TNNI3: variants seen among roughly 807,000 people sequenced by gnomAD.
TNNI3 encodes the protein troponin I, cardiac muscle.
Under a neutral mutation model 31.5 loss-of-function variants are expected in TNNI3, and 23 were observed. That is an observed-to-expected ratio of 0.73 (90% CI 0.52 to 1.03). TNNI3 has a LOEUF of 1.03. Among genes scored for constraint, TNNI3 ranks in the 50% least tolerant of loss-of-function variants. TNNI3 has a pLI of 0.00. For missense variants in TNNI3, 236 were observed against 282.9 expected, an observed-to-expected ratio of 0.83 and a Z score of 1.19; for synonymous variants, 120 against 111.7, an observed-to-expected ratio of 1.07 and a Z score of -0.47.
chr19:55,155,060 G>A (rs1182712828), intron 5 of TNNI3, among the ~76,000 whole-genome samples: 2 of 142,072 alleles, frequency 1.4e-5, no homozygotes, highest in Admixed American at 6.8e-5. Context: ...AGGGAGGAGG[G>A]GCTGAGGGCC....
Position 55,152,696 on chromosome 19 carries a change from G to A in TNNI3, c.550-779C>T, listed in dbSNP as rs2085701959. 6.6e-6 allele frequency among the ~76,000 whole-genome samples: 1 copy of A among 152,184 alleles called. No individual in the cohort carries two copies. Among genetic ancestry groups the A allele is most frequent in the Non-Finnish European group, 1.5e-5 (1 of 68,030 alleles). On this transcript the variant is annotated intron_variant, in intron 7 of 7. Coordinates refer to ENST00000344887, the MANE Select transcript of TNNI3 (RefSeq NM_000363.5). This position sits in a 1 kb window ranked among gnomAD's most constrained non-coding sequence, Gnocchi z 4.0. Reference sequence around the variant, plus strand: ...GCTGGAGTGCAGTCGTGCAATCTCGGCTCACTGCAGCCTCAACTTCCTGGG... The same window carrying A: ...GCTGGAGTGCAGTCGTGCAATCTCGACTCACTGCAGCCTCAACTTCCTGGG...
chr19:55,156,094 G>A lies in TNNI3; in HGVS notation c.282+107C>T. 1 of 1,541,194 alleles carries A rather than the reference G, an allele frequency of 6.5e-7. No homozygotes were observed. The highest frequency in any genetic ancestry group is 8.9e-7 in the Non-Finnish European group (1 of 1,118,632). On this transcript the variant is annotated intron_variant, in intron 5 of 7. Coordinates refer to ENST00000344887, the MANE Select transcript of TNNI3 (RefSeq NM_000363.5). The surrounding 1 kb of genome is among the most constrained non-coding windows in gnomAD (Gnocchi z 4.6). ...GGAGTCCCACGAACCATATATAATT[G>A]GGTAAGGACAGCCATATTGGACGCC... is the stretch of plus-strand genomic sequence containing the variant.
At chr19:55,153,301 T>G (rs919521923) in intron 7 of TNNI3, among the ~76,000 whole-genome samples, 12 of 152,172 alleles carry the variant, frequency 7.9e-5, no homozygotes, top group African/African-American at 2.9e-4. Context: ...ATCATAGGTA[T>G]GTATGTGTGT....
At chr19:55,153,460 G>A (rs1166949006) in intron 7 of TNNI3, among the ~76,000 whole-genome samples, 1 of 151,932 alleles carries the variant, frequency 6.6e-6, no homozygotes, top group Non-Finnish European at 1.5e-5. Flanking sequence ...CTGCACCCTC[G>A]ATCTCATGGG....
At position 55,157,258 on chromosome 19, in the gene TNNI3, C is replaced by T. The variant is rs1039208568; in HGVS notation, c.24+38G>A. On this transcript the variant is annotated intron_variant, in intron 2 of 7. Transcript: ENST00000344887. This position sits in a 1 kb window ranked among gnomAD's most constrained non-coding sequence, Gnocchi z 6.3. ...CCTCACTGCAGCGCCCACCCTGGCC[C>T]TGGGGGTCCCAGCCACGCCTTAGCC... The T allele has an allele frequency of 6.2e-7, 1 of 1,610,700 alleles. No homozygotes were observed. The highest frequency in any genetic ancestry group is 8.5e-7 in the Non-Finnish European group (1 of 1,179,024).
Position 55,157,011 on chromosome 19 carries a change from C to T in TNNI3, c.108+39G>A. ...CCCACTCCCAGGGTCTTGGATCCCT[C>T]CGGCGCCTGTACTCTGCCCCCAGGA... On this transcript the variant is annotated intron_variant, in intron 3 of 7. Transcript: ENST00000344887. This position sits in a 1 kb window ranked among gnomAD's most constrained non-coding sequence, Gnocchi z 6.3. 4 of 1,552,378 alleles carry T rather than the reference C, an allele frequency of 2.6e-6. No individual in the cohort carries two copies. The highest frequency in any genetic ancestry group is 3.5e-6 in the Non-Finnish European group (4 of 1,151,174).
chr19:55,156,506 CG>C lies in TNNI3; in HGVS notation c.150+96del. ...AGCCACGCCCCGAGCGGCCAAACCCCGCCCACTTCCGCCCACCTACCCCGAA... is the reference window on the plus strand; with the variant it reads ...AGCCACGCCCCGAGCGGCCAAACCCCCCCACTTCCGCCCACCTACCCCGAA... On this transcript the variant is annotated intron_variant, in intron 4 of 7. Coordinates refer to ENST00000344887, the MANE Select transcript of TNNI3 (RefSeq NM_000363.5). This position sits in a 1 kb window ranked among gnomAD's most constrained non-coding sequence, Gnocchi z 4.6. 2 of 1,523,770 alleles carry C rather than the reference CG, an allele frequency of 1.3e-6. No homozygotes were observed. Among genetic ancestry groups the C allele is most frequent in the Non-Finnish European group, 1.8e-6 (2 of 1,124,872 alleles). 94.4% of individuals were successfully genotyped at this position (1,523,770 alleles called of 1,614,324 possible).
rs3729996 is a variant in TNNI3 at position 55,156,692 on chromosome 19, A to G, written c.109-48T>C. The G allele has an allele frequency of 1.3e-3, 2,038 of 1,550,000 alleles. No homozygotes were observed. Among genetic ancestry groups the G allele is most frequent in the Non-Finnish European group, 1.7e-3 (1,910 of 1,144,214 alleles). On this transcript the variant is annotated intron_variant, in intron 3 of 7. Coordinates refer to ENST00000344887, the MANE Select transcript of TNNI3 (RefSeq NM_000363.5). The surrounding 1 kb of genome is among the most constrained non-coding windows in gnomAD (Gnocchi z 4.6). ...GGAAGGATCATGGAGGGGGATTCGG[A>G]GACGACGGTGGAGGGGACCTCAAGA...
At chr19:55,154,681 G>T in intron 6 of TNNI3, 60 bp downstream of exon 6, 2 of 1,484,684 alleles carry the variant, frequency 1.3e-6, no homozygotes, top group Non-Finnish European at 1.9e-6. Flanking sequence ...GTCAGGCAGA[G>T]ACCAAGTCCC....
chr19:55,151,963 C>A (rs556068001), intron 7 of TNNI3, 46 bp from the exon 8 acceptor site: 1 of 1,572,094 alleles, frequency 6.4e-7, no homozygotes, highest in African/African-American at 1.3e-5. Flanking sequence ...TTCTTGGTCT[C>A]CAGTCTCTCA....
rs1203808868 is a variant in TNNI3, at chr19:55,156,117, G to A, written c.282+84C>T. On this transcript the variant is annotated intron_variant, in intron 5 of 7. Coordinates refer to ENST00000344887, the MANE Select transcript of TNNI3 (RefSeq NM_000363.5). The surrounding 1 kb of genome is among the most constrained non-coding windows in gnomAD (Gnocchi z 4.6). ...TTGGGTAAGGACAGCCATATTGGAC[G>A]CCTGGGTCCCGAGCAGAAGAGGGGA... 6.2e-7 allele frequency: 1 copy of A among 1,604,096 alleles called. No individual in the cohort carries two copies. The highest frequency in any genetic ancestry group is 1.7e-5 in the Admixed American group (1 of 59,788).
At position 55,152,731 on chromosome 19, in the gene TNNI3, TC is replaced by T; in HGVS notation, c.550-815del. On this transcript the variant is annotated intron_variant, in intron 7 of 7. Transcript: ENST00000344887. This position sits in a 1 kb window ranked among gnomAD's most constrained non-coding sequence, Gnocchi z 4.0. ...GCCTCAACTTCCTGGGCTCAAGCCA[TC>T]CTCTCACCTCAGACTCCTGAGGAGC... Among the ~76,000 whole-genome samples the T allele has an allele frequency of 6.6e-6, 1 of 152,312 alleles. No homozygotes were observed. Among genetic ancestry groups the T allele is most frequent in the Admixed American group, 6.5e-5 (1 of 15,284 alleles).
rs796474405 is a variant in TNNI3, at chr19:55,151,861, C to T, written c.606G>A (p.Glu202=). 15 of 1,614,036 alleles carry T rather than the reference C, an allele frequency of 9.3e-6. No homozygotes were observed. The highest frequency in any genetic ancestry group is 1.2e-5 in the Non-Finnish European group (14 of 1,179,994). ...AGCTCTCAAACTTTTTCTTGCGGCC[C>T]TCCATTCCACTCAGTGCATCGATGT... is the stretch of plus-strand genomic sequence containing the variant. ...RKNIDALSGM[E]GRKKKFES is the part of the protein sequence containing the mutation. The change falls in exon 8 of 8, where the codon GAG becomes GAA. Residue 202 remains glutamate, a synonymous_variant. Transcript: ENST00000344887.
In TNNI3 at chr19:55,157,019, T is replaced by G. The variant is rs761023237; in HGVS notation, c.108+31A>C. 1 of 1,561,422 alleles carries G rather than the reference T, an allele frequency of 6.4e-7. No individual in the cohort carries two copies. On this transcript the variant is annotated intron_variant, in intron 3 of 7. Coordinates refer to ENST00000344887, the MANE Select transcript of TNNI3 (RefSeq NM_000363.5). This position sits in a 1 kb window ranked among gnomAD's most constrained non-coding sequence, Gnocchi z 6.3. Reference sequence around the variant, plus strand: ...CAGGGTCTTGGATCCCTCCGGCGCCTGTACTCTGCCCCCAGGAAGCCCCGT... The same window carrying G: ...CAGGGTCTTGGATCCCTCCGGCGCCGGTACTCTGCCCCCAGGAAGCCCCGT...
chr19:55,152,146 G>C lies in TNNI3; in HGVS notation c.550-229C>G, dbSNP rs976500820. On this transcript the variant is annotated intron_variant, in intron 7 of 7. Coordinates refer to ENST00000344887, the MANE Select transcript of TNNI3 (RefSeq NM_000363.5). The surrounding 1 kb of genome is among the most constrained non-coding windows in gnomAD (Gnocchi z 4.0). ...CTCATGCACTTCCTGTCTTTCCCCA[G>C]CACTTCCTGTCTCCCTCATGTACTT... Among the ~76,000 whole-genome samples, 1 of 150,384 alleles carries C rather than the reference G, an allele frequency of 6.6e-6. No homozygotes were observed. The highest frequency in any genetic ancestry group is 2.5e-5 in the African/African-American group (1 of 40,584).
chr19:55,157,372 C>G lies in TNNI3; in HGVS notation c.12-64G>C, dbSNP rs537871435. 6.2e-7 allele frequency: 1 copy of G among 1,610,186 alleles called. No homozygotes were observed. Among genetic ancestry groups the G allele is most frequent in the African/African-American group, 1.3e-5 (1 of 74,826 alleles). ...GCTGTGTCCTGTCTCCTAAGGGACC[C>G]CTGGAGTCCCCTCTGAACAAGAGGT... On this transcript the variant is annotated intron_variant, in intron 1 of 7. Coordinates refer to ENST00000344887, the MANE Select transcript of TNNI3 (RefSeq NM_000363.5). This position sits in a 1 kb window ranked among gnomAD's most constrained non-coding sequence, Gnocchi z 6.3.
In TNNI3 at chr19:55,156,327, C is replaced by G. The variant is rs2085729640; in HGVS notation, c.156G>C (p.Leu52=). ...SASRKLQLKT[L]LLQIAKQELE... ...GCTCTTGCTTTGCAATCTGCAGCAG[C>G]AGAGTCTGCAGAGGGGTGGGAGGGA... Residue 52 remains leucine (L), a synonymous_variant, in exon 5 of 8, where the codon CTG becomes CTC. Transcript: ENST00000344887. This position sits in a 1 kb window ranked among gnomAD's most constrained non-coding sequence, Gnocchi z 4.6. 1.2e-6 allele frequency: 2 copies of G among 1,608,218 alleles called. No homozygotes were observed. Among genetic ancestry groups the G allele is most frequent in the Non-Finnish European group, 1.7e-6 (2 of 1,178,178 alleles).
chr19:55,156,914 A>G lies in TNNI3; in HGVS notation c.108+136T>C. 1 of 1,063,198 alleles carries G rather than the reference A, an allele frequency of 9.4e-7. No individual in the cohort carries two copies. The highest frequency in any genetic ancestry group is 1.4e-6 in the Non-Finnish European group (1 of 717,300). The allele number at this position is 1,063,198 out of a possible 1,614,324, so 65.9% of individuals were successfully genotyped here. On this transcript the variant is annotated intron_variant, in intron 3 of 7. Transcript: ENST00000344887. This position sits in a 1 kb window ranked among gnomAD's most constrained non-coding sequence, Gnocchi z 4.6. ...GGCTGCTGTCACCAATCCGAGCATG[A>G]CCCTCTGCAAAACTCCGCCCCTGAA...
chr19:55,152,098 TCCCTCATGCACTTCCTGTCC>T lies in TNNI3; in HGVS notation c.550-201_550-182del, dbSNP rs1020677653. On this transcript the variant is annotated intron_variant, in intron 7 of 7. Coordinates refer to ENST00000344887, the MANE Select transcript of TNNI3 (RefSeq NM_000363.5). This position sits in a 1 kb window ranked among gnomAD's most constrained non-coding sequence, Gnocchi z 4.0. ...CAATTTTCCCCATGCACTTCCTGTC[TCCCTCATGCACTTCCTGTCC>T]CCCTCATGCACTTCCTGTCTTTCCC... Among the ~76,000 whole-genome samples the T allele has an allele frequency of 2.0e-5, 3 of 152,044 alleles. No individual in the cohort carries two copies. The highest frequency in any genetic ancestry group is 2.9e-5 in the Non-Finnish European group (2 of 67,998).
Sources: allele counts gnomAD v4.1 joint callset (sites outside exome capture counted in the v4.1 genomes callset), GRCh38; gene constraint gnomAD v4.1.1; non-coding constraint Gnocchi (gnomAD v3.1); transcripts MANE v1.5; gene names NCBI Gene and HGNC (gene_info 2026-07-23, HGNC 2026-07-21).